Variants in SDHAF4 observed in about 807,000 individuals in gnomAD.
The protein encoded by SDHAF4 is succinate dehydrogenase assembly factor 4, mitochondrial.
Under a neutral mutation model 14.3 loss-of-function variants are expected in SDHAF4, and 14 were observed. That is an observed-to-expected ratio of 0.98 (90% CI 0.65 to 1.53). SDHAF4 has a LOEUF of 1.53. Among genes scored for constraint, SDHAF4 ranks in the 40% most tolerant of loss-of-function variants. The probability of loss-of-function intolerance (pLI) is 0.00; values close to 1 mark genes in which losing one functional copy is unlikely to be tolerated. For synonymous variants in SDHAF4, 63 were observed against 47.3 expected (o/e 1.33, Z -1.36); for missense variants, 141 against 129.3 (o/e 1.09, Z -0.44).
chr6:70,568,292 T>TACAC (rs150810278), intron 1 of SDHAF4, among the ~76,000 whole-genome samples: 1 of 151,696 alleles, frequency 6.6e-6, no homozygotes, highest in Admixed American at 6.6e-5. Flanking sequence ...TATATATGTA[T>TACAC]ACACACACAC....
the SDHAF4 span, among the ~76,000 whole-genome samples, chr6:70,596,235 CA>C: frequency 6.6e-6 from 1 of 152,190 alleles, no homozygotes; most frequent in East Asian, 1.9e-4. Context: ...GCTGCTACCC[CA>C]TGGGATCTAC....
At chr6:70,569,092 T>A (rs1245716527) in intron 1 of SDHAF4, among the ~76,000 whole-genome samples, 5 of 141,984 alleles carry the variant, frequency 3.5e-5, no homozygotes, top group Non-Finnish European at 4.6e-5. Flanking sequence ...CAGCCTCCCG[T>A]GTAGCTGGGA....
chr6:70,590,230 C>G (rs1285080598), downstream of SDHAF4, among the ~76,000 whole-genome samples: 1 of 73,854 alleles, frequency 1.4e-5, no homozygotes, highest in Non-Finnish European at 2.7e-5. Flanking sequence ...AGAGCAAGAC[C>G]CTGTCTCAAA....
rs761014846 is a variant in SDHAF4, at chr6:70,566,988, G to C, written c.48G>C (p.Thr16=). The change falls in exon 1 of 3, where the codon ACG becomes ACC. Residue 16 remains threonine (T), a synonymous_variant. Coordinates refer to ENST00000370474, the MANE Select transcript of SDHAF4 (RefSeq NM_145267.3). ...LPWLLSWVSA[T]AWRAARSPLL... is the part of the protein sequence containing the mutation. Reference sequence around the variant, plus strand: ...GGTTGCTTAGCTGGGTCTCGGCCACGGCGTGGAGAGCGGCAAGTAAGCACC... The same window carrying C: ...GGTTGCTTAGCTGGGTCTCGGCCACCGCGTGGAGAGCGGCAAGTAAGCACC... 6.9e-6 allele frequency: 11 copies of C among 1,590,432 alleles called. No individual in the cohort carries two copies. The Admixed American group carries it at 1.1e-4, about 15-fold the overall frequency.
downstream of SDHAF4, among the ~76,000 whole-genome samples, chr6:70,591,886 G>A (rs922655781): frequency 4.6e-5 from 7 of 152,188 alleles, no homozygotes; most frequent in Non-Finnish European, 7.3e-5. Context: ...TGGCCTTTAC[G>A]AGGGCAGAGC....
Position 70,588,842 on chromosome 6 carries a change from A to AATATATAGATATATATATATAT in SDHAF4, c.*125_*126insGATATATATATATATATATATA. On this transcript the variant is annotated 3_prime_UTR_variant, in exon 3 of 3. Transcript: ENST00000370474. ...TCGTGTAGTTTGTATAATGTGTTTA[A>AATATATAGATATATATATATAT]ATATATATATATATGATGGCTTTGG... 1 of 339,216 alleles carries AATATATAGATATATATATATAT rather than the reference A, an allele frequency of 2.9e-6. No individual in the cohort carries two copies. Among genetic ancestry groups the AATATATAGATATATATATATAT allele is most frequent in the Non-Finnish European group, 5.5e-6 (1 of 181,986 alleles). The allele number at this position is 339,216 out of a possible 1,614,324, so 21.0% of individuals were successfully genotyped here.
chr6:70,577,532 G>A (rs546265609), intron 1 of SDHAF4, among the ~76,000 whole-genome samples: 1 of 152,202 alleles, frequency 6.6e-6, no homozygotes, highest in African/African-American at 2.4e-5. Flanking sequence ...TGTCATTTAC[G>A]CATTGCAGAC....
At chr6:70,586,727 A>AT (rs1765205392) in intron 2 of SDHAF4, among the ~76,000 whole-genome samples, 1 of 152,302 alleles carries the variant, frequency 6.6e-6, no homozygotes, top group Admixed American at 6.5e-5. Context: ...GAAGCTTAAC[A>AT]TTTTAGTGGG....
the SDHAF4 span, chr6:70,596,434 G>T: frequency 1.3e-5 from 2 of 152,142 alleles, no homozygotes; most frequent in African/African-American, 2.4e-5. Flanking sequence ...TCCTTCACAG[G>T]TGTCAAACCC....
At chr6:70,567,056 G>T in intron 1 of SDHAF4, 52 bp downstream of exon 1, 1 of 1,512,478 alleles carries the variant, frequency 6.6e-7, no homozygotes. Context: ...TGAAGGCCCA[G>T]GCGCAGAGAG....
intron 1 of SDHAF4, among the ~76,000 whole-genome samples, chr6:70,578,534 T>C (rs1338524475): frequency 6.6e-6 from 1 of 152,250 alleles, no homozygotes; most frequent in Non-Finnish European, 1.5e-5. Flanking sequence ...ATGTTTACTC[T>C]GTTGAGCGTT....
Position 70,588,697 on chromosome 6 carries a change from A to G in SDHAF4, c.300A>G (p.Glu100=), listed in dbSNP as rs1485311555. 4 of 1,606,264 alleles carry G rather than the reference A, an allele frequency of 2.5e-6. No homozygotes were observed. The highest frequency in any genetic ancestry group is 1.7e-5 in the Admixed American group (1 of 59,796). ...AACCTACCCGATATGGAGATTGGGA[A>G]CGAAAAGGACGCTGTATTGATTTTT... ...GPEPTRYGDW[E]RKGRCIDF is the part of the protein sequence containing the mutation. Residue 100 remains glutamate, a synonymous_variant, in exon 3 of 3, where the codon GAA becomes GAG. Transcript: ENST00000370474.
At chr6:70,587,702 G>T (rs928230499) in intron 2 of SDHAF4, among the ~76,000 whole-genome samples, 1 of 152,150 alleles carries the variant, frequency 6.6e-6, no homozygotes, top group Non-Finnish European at 1.5e-5. Flanking sequence ...CATCTATAAA[G>T]TTGGAACAAT....
intron 1 of SDHAF4, among the ~76,000 whole-genome samples, chr6:70,571,532 C>A (rs1296987293): frequency 2.0e-5 from 3 of 152,156 alleles, no homozygotes; most frequent in African/African-American, 7.2e-5. Context: ...CCAGGCTGAT[C>A]TCAAACTTCT....
chr6:70,584,668 G>T (rs1765176922), intron 2 of SDHAF4, among the ~76,000 whole-genome samples: 1 of 152,162 alleles, frequency 6.6e-6, no homozygotes, highest in Non-Finnish European at 1.5e-5. Flanking sequence ...TAACAAATGT[G>T]AGGAAGAAGA....
chr6:70,588,724 A>G lies in SDHAF4; in HGVS notation c.327A>G (p.Ter109=). ...GAAAAGGACGCTGTATTGATTTTTA[A>G]GTCGCATATTCTTTAACTTCAATAT... ...WERKGRCIDF[*] The change falls in exon 3 of 3, where the codon TAA becomes TAG. Residue 109 remains the stop codon, a stop_retained_variant. Transcript: ENST00000370474. The G allele has an allele frequency of 6.3e-7, 1 of 1,574,962 alleles. No individual in the cohort carries two copies. Among genetic ancestry groups the G allele is most frequent in the South Asian group, 1.1e-5 (1 of 88,552 alleles).
chr6:70,576,087 C>T (rs1212291093), intron 1 of SDHAF4, among the ~76,000 whole-genome samples: 1 of 152,166 alleles, frequency 6.6e-6, no homozygotes, highest in Non-Finnish European at 1.5e-5. Context: ...GTTTCTTTTG[C>T]TCTGCCTTTG....
rs779381086 is a variant in SDHAF4, at chr6:70,566,950, T to C, written c.10T>C (p.Ser4Pro). The C allele has an allele frequency of 1.8e-5, 28 of 1,587,600 alleles. No homozygotes were observed. The East Asian group carries it at 1.8e-4, about 10-fold the overall frequency. MTP[S>P]RLPWLLSWVS... ...TCGGGGAGTCGGCGCCATGACCCCA[T>C]CGAGGCTTCCCTGGTTGCTTAGCTG... The change falls in exon 1 of 3, where the codon TCG (serine) becomes CCG (proline). Residue 4 changes from serine (S) to proline (P), a missense_variant. Ser to Pro is a moderately conservative substitution (Grantham distance 74). Coordinates refer to ENST00000370474, the MANE Select transcript of SDHAF4 (RefSeq NM_145267.3).
At chr6:70,567,397 T>G (rs1370208327) in intron 1 of SDHAF4, 2 of 193,060 alleles carry the variant, frequency 1.0e-5, no homozygotes, top group Non-Finnish European at 1.1e-5. Flanking sequence ...TACTTATTTA[T>G]TTACATCATT....
Sources: allele counts gnomAD v4.1 joint callset (sites outside exome capture counted in the v4.1 genomes callset), GRCh38; gene constraint gnomAD v4.1.1; transcripts MANE v1.5; gene names NCBI Gene and HGNC (gene_info 2026-07-23, HGNC 2026-07-21).